The following PACRG variants were observed in gnomAD, a reference collection of about 807,000 sequenced individuals.
The protein encoded by PACRG is parkin coregulated gene protein.
Under a neutral mutation model 29.7 loss-of-function variants are expected in PACRG, and 29 were observed. The observed-to-expected ratio is 0.98, with a 90% confidence interval of 0.73 to 1.33. The LOEUF is 1.33. Among genes scored for constraint, PACRG ranks in the 40% most tolerant of loss-of-function variants. The pLI is 0.00. For missense variants in PACRG, 279 were observed against 316.2 expected, an observed-to-expected ratio of 0.88 and a Z score of 0.89; for synonymous variants, 116 against 118.7, an observed-to-expected ratio of 0.98 and a Z score of 0.15.
At chr6:162,944,553 CAG>C (rs1302552491) in intron 2 of PACRG, among the ~76,000 whole-genome samples, 1 of 151,868 alleles carries the variant, frequency 6.6e-6, no homozygotes, top group Non-Finnish European at 1.5e-5. Flanking sequence ...TGAAAGAAAA[CAG>C]ATAAATAATA....
chr6:163,265,362 G>A (rs542795719), intron 4 of PACRG, among the ~76,000 whole-genome samples: 2 of 152,228 alleles, frequency 1.3e-5, no homozygotes, highest in East Asian at 1.9e-4. Context: ...TCCAGTGCCC[G>A]TCAGGAATGC....
chr6:162,764,090 A>G (rs971651449), intron 1 of PACRG, among the ~76,000 whole-genome samples: 3 of 152,142 alleles, frequency 2.0e-5, no homozygotes, highest in Non-Finnish European at 4.4e-5. Flanking sequence ...CCTGGCTAAC[A>G]TGGTGAAACC....
At chr6:163,131,512 C>A (rs1256115270) in intron 4 of PACRG, among the ~76,000 whole-genome samples, 1 of 152,100 alleles carries the variant, frequency 6.6e-6, no homozygotes, top group Non-Finnish European at 1.5e-5. Flanking sequence ...AAAACAAATT[C>A]TTCTCTTAAA....
At chr6:163,002,946 A>G (rs1413587860) in intron 2 of PACRG, among the ~76,000 whole-genome samples, 1 of 152,192 alleles carries the variant, frequency 6.6e-6, no homozygotes, top group Non-Finnish European at 1.5e-5. Context: ...TCAAATATTG[A>G]GAATTTTCAT....
At chr6:162,919,903 T>A (rs1168048677) in intron 2 of PACRG, among the ~76,000 whole-genome samples, 1 of 152,186 alleles carries the variant, frequency 6.6e-6, no homozygotes, top group African/African-American at 2.4e-5. Context: ...TTTAAACATA[T>A]AACTATTTTA....
intron 1 of PACRG, among the ~76,000 whole-genome samples, chr6:162,762,054 C>T (rs907674531): frequency 2.7e-5 from 4 of 149,938 alleles, no homozygotes; most frequent in Non-Finnish European, 5.9e-5. Context: ...CCAAGTTCCA[C>T]GTGGGCAGGG....
chr6:162,973,909 T>A (rs1801739906), intron 2 of PACRG, among the ~76,000 whole-genome samples: 1 of 152,126 alleles, frequency 6.6e-6, no homozygotes, highest in East Asian at 1.9e-4. Flanking sequence ...GAGAATAGAT[T>A]TCAGAAAAAA....
chr6:162,728,339 ACTCT>A lies in PACRG; in HGVS notation c.107_110del (p.Ser36TrpfsTer11), dbSNP rs1305067765. ...CAGCCGCTCCCGGTGCACCAGCCTC[ACTCT>A]CTGGTTTCTGAGGGTTTCACAGTCA... On this transcript the variant is annotated frameshift_variant, in exon 1 of 5. Transcript: ENST00000366888. LOFTEE classifies it high-confidence loss of function. The A allele has an allele frequency of 6.2e-7, 1 of 1,613,764 alleles. No homozygotes were observed. Among genetic ancestry groups the A allele is most frequent in the Non-Finnish European group, 8.5e-7 (1 of 1,179,978 alleles).
At chr6:162,958,870 TATATATATATATATAG>T (rs1490763119) in intron 2 of PACRG, among the ~76,000 whole-genome samples, 5 of 69,468 alleles carry the variant, frequency 7.2e-5, no homozygotes, top group African/African-American at 2.3e-4. Context: ...TATATATATA[TATATATATATATATAG>T]AGAGAGAGAG....
At chr6:162,951,130 G>A (rs576957845) in intron 2 of PACRG, among the ~76,000 whole-genome samples, 2 of 152,312 alleles carry the variant, frequency 1.3e-5, no homozygotes, top group East Asian at 3.9e-4. Flanking sequence ...AAAGGAAGTA[G>A]GAGGAAAGCA....
intron 2 of PACRG, among the ~76,000 whole-genome samples, chr6:162,899,577 C>A (rs1795410817): frequency 6.6e-6 from 1 of 152,174 alleles, no homozygotes; most frequent in African/African-American, 2.4e-5. Flanking sequence ...ATCCTCTCTT[C>A]ACCTCTGCCC....
intron 2 of PACRG, among the ~76,000 whole-genome samples, chr6:162,925,533 T>A (rs1176505291): frequency 4.6e-5 from 7 of 152,078 alleles, no homozygotes; most frequent in Non-Finnish European, 8.8e-5. Context: ...AAACATAATC[T>A]ATCACATAAA....
At chr6:162,803,442 T>A (rs1049007317) in intron 1 of PACRG, among the ~76,000 whole-genome samples, 2 of 152,122 alleles carry the variant, frequency 1.3e-5, no homozygotes, top group African/African-American at 4.8e-5. Flanking sequence ...ATGAGAGATA[T>A]GATTTAATTA....
chr6:163,082,315 T>C (rs2128292836), intron 3 of PACRG, among the ~76,000 whole-genome samples: 1 of 152,294 alleles, frequency 6.6e-6, no homozygotes, highest in East Asian at 1.9e-4. Context: ...GGCAATTGTC[T>C]GCCAAATTAT....
intron 4 of PACRG, among the ~76,000 whole-genome samples, chr6:163,103,349 G>T (rs1585217468): frequency 6.6e-6 from 1 of 152,288 alleles, no homozygotes; most frequent in South Asian, 2.1e-4. Context: ...CCTGGCCCAT[G>T]ACCATCTCAT....
At chr6:163,024,731 C>T (rs1460576641) in intron 2 of PACRG, among the ~76,000 whole-genome samples, 2 of 151,980 alleles carry the variant, frequency 1.3e-5, no homozygotes, top group East Asian at 3.9e-4. Context: ...TTTGTGCCAC[C>T]TCAGCAGTGT....
At chr6:163,187,930 C>T (rs1780029269) in intron 4 of PACRG, 1 of 152,242 alleles carries the variant, frequency 6.6e-6, no homozygotes, top group African/African-American at 2.4e-5. Flanking sequence ...GGGCATGCCT[C>T]ACACTAAGTC....
intron 2 of PACRG, among the ~76,000 whole-genome samples, chr6:163,037,746 C>T (rs1808341091): frequency 6.6e-6 from 1 of 152,212 alleles, no homozygotes; most frequent in African/African-American, 2.4e-5. Context: ...TGCATGCACA[C>T]ACACACACAG....
chr6:163,249,009 C>G (rs1472920559), intron 4 of PACRG, among the ~76,000 whole-genome samples: 8 of 106,696 alleles, frequency 7.5e-5, no homozygotes, highest in African/African-American at 2.8e-4. Flanking sequence ...GAGCGAGACT[C>G]TGTCTCAAAA....
Sources: allele counts gnomAD v4.1 joint callset (sites outside exome capture counted in the v4.1 genomes callset), GRCh38; gene constraint gnomAD v4.1.1; transcripts MANE v1.5; gene names NCBI Gene and HGNC (gene_info 2026-07-23, HGNC 2026-07-21).